RDH12: variants seen among roughly 807,000 people sequenced by gnomAD.
RDH12 encodes all-trans and 9-cis retinol dehydrogenase.
Under a neutral mutation model 34.0 loss-of-function variants are expected in RDH12, and 21 were observed. The observed-to-expected ratio is 0.62, with a 90% CI of 0.44 to 0.89. The LOEUF (loss-of-function observed/expected upper bound fraction) is 0.89, where lower values mean the gene tolerates loss of function less well. RDH12 is among the 40% of genes least tolerant of loss of function. RDH12 has a pLI of 0.00. For missense variants in RDH12, 394 were observed against 398.6 expected (o/e 0.99, Z 0.10); for synonymous variants, 198 against 169.9 (o/e 1.17, Z -1.29).
intron 2 of RDH12, among the ~76,000 whole-genome samples, chr14:67,722,203 C>G (rs755378489): frequency 6.6e-6 from 1 of 152,128 alleles, no homozygotes; most frequent in Non-Finnish European, 1.5e-5. Context: ...TTTTAATCCA[C>G]TCATATTTTA....
In RDH12 at chr14:67,727,167, G is replaced by T. The variant is rs768529116; in HGVS notation, c.635G>T (p.Arg212Leu). The change falls in exon 7 of 9, where the codon CGT becomes CTT. Residue 212 changes from arginine (R) to leucine (L), a missense_variant. Transcript: ENST00000551171. The part of the protein sequence containing the change: ...HSKLANVLFT[R>L]ELAKRLQGTG... ...AAGCTGGCCAATGTGCTTTTTACTC[G>T]TGAGCTGGCCAAGAGGCTCCAAGGT... 1.2e-6 allele frequency: 2 copies of T among 1,613,514 alleles called. No individual in the cohort carries two copies. Among genetic ancestry groups the T allele is most frequent in the Non-Finnish European group, 1.7e-6 (2 of 1,179,842 alleles).
In RDH12 at chr14:67,727,110, G is replaced by T; in HGVS notation, c.578G>T (p.Arg193Leu). The stretch of plus-strand genomic sequence containing the variant: ...TTCCACGACCTCCAGAGCGAGAAGC[G>T]CTACAGCAGGGGTTTTGCCTATTGC... ...IPFHDLQSEK[R>L]YSRGFAYCHS... Residue 193 changes from arginine to leucine, a missense_variant, in exon 7 of 9, where the codon CGC (arginine) becomes CTC (leucine). Coordinates refer to ENST00000551171, the MANE Select transcript of RDH12 (RefSeq NM_152443.3). 2.5e-6 allele frequency: 4 copies of T among 1,614,182 alleles called. No homozygotes were observed. The highest frequency in any genetic ancestry group is 3.4e-6 in the Non-Finnish European group (4 of 1,180,034).
chr14:67,707,452 GGA>G (rs1405855921), intron 1 of RDH12, among the ~76,000 whole-genome samples: 5 of 151,936 alleles, frequency 3.3e-5, no homozygotes, highest in Admixed American at 1.3e-4. Flanking sequence ...TTTTTGAGAT[GGA>G]GTCTCACTCT....
intron 5 of RDH12, 103 bp downstream of exon 5, chr14:67,725,357 C>A: frequency 2.5e-6 from 3 of 1,210,220 alleles, no homozygotes; most frequent in South Asian, 1.3e-5. Context: ...ATCATCCACC[C>A]CACTAGACAG....
At chr14:67,719,983 G>C (rs1484199482) in intron 1 of RDH12, among the ~76,000 whole-genome samples, 1 of 152,204 alleles carries the variant, frequency 6.6e-6, no homozygotes, top group African/African-American at 2.4e-5. Flanking sequence ...ATGAGTGCAT[G>C]CACAGCTTTA....
intron 1 of RDH12, among the ~76,000 whole-genome samples, chr14:67,709,781 A>C (rs1192377239): frequency 6.6e-6 from 1 of 152,206 alleles, no homozygotes; most frequent in Non-Finnish European, 1.5e-5. Context: ...TTTTAGACCA[A>C]GGCATCAAAG....
At chr14:67,710,968 C>G (rs2038003020) in intron 1 of RDH12, among the ~76,000 whole-genome samples, 1 of 152,118 alleles carries the variant, frequency 6.6e-6, no homozygotes, top group African/African-American at 2.4e-5. Context: ...AAAATTATAA[C>G]TGAGACAGTG....
chr14:67,715,458 T>TA (rs1378011845), intron 1 of RDH12, among the ~76,000 whole-genome samples: 1 of 152,210 alleles, frequency 6.6e-6, no homozygotes, highest in African/African-American at 2.4e-5. Context: ...CCGATTGCTG[T>TA]AAGCCCTTGA....
At chr14:67,719,991 T>G (rs2038105660) in intron 1 of RDH12, among the ~76,000 whole-genome samples, 1 of 152,208 alleles carries the variant, frequency 6.6e-6, no homozygotes, top group Non-Finnish European at 1.5e-5. Context: ...ATGCACAGCT[T>G]TACTAGACAT....
chr14:67,731,727 A>G (rs942329904), intron 8 of RDH12, among the ~76,000 whole-genome samples: 1 of 152,190 alleles, frequency 6.6e-6, no homozygotes, highest in African/African-American at 2.4e-5. Flanking sequence ...GTCTGGAGGG[A>G]TAACCAGCCA....
intron 1 of RDH12, among the ~76,000 whole-genome samples, chr14:67,718,071 A>G (rs891821031): frequency 1.3e-5 from 2 of 152,198 alleles, no homozygotes; most frequent in African/African-American, 4.8e-5. Flanking sequence ...AGTCATTATT[A>G]TTGGTTAAAA....
chr14:67,722,669 C>A lies in RDH12; in HGVS notation c.27C>A (p.Thr9=), dbSNP rs1480470949. The change falls in exon 3 of 9, where the codon ACC becomes ACA. Residue 9 remains threonine (T), a synonymous_variant. Coordinates refer to ENST00000551171, the MANE Select transcript of RDH12 (RefSeq NM_152443.3). ...TGCTGGTCACCTTGGGACTGCTCACCTCCTTCTTCTCGTTCCTGTATATGG... is the reference window on the plus strand; with the variant it reads ...TGCTGGTCACCTTGGGACTGCTCACATCCTTCTTCTCGTTCCTGTATATGG... The part of the protein sequence containing the change: MLVTLGLL[T]SFFSFLYMVA... 17 of 1,613,602 alleles carry A rather than the reference C, an allele frequency of 1.1e-5. No homozygotes were observed. Among genetic ancestry groups the A allele is most frequent in the Admixed American group, 1.7e-5 (1 of 59,996 alleles).
chr14:67,732,536 C>CAAAA (rs11408156), intron 8 of RDH12, among the ~76,000 whole-genome samples: 13,535 of 129,640 alleles, frequency 0.1, 943 homozygotes, highest in South Asian at 0.3. Context: ...CCAAACAAAG[C>CAAAA]AAAAAAAAAA....
intron 8 of RDH12, chr14:67,729,848 G>C: frequency 2.2e-6 from 1 of 460,318 alleles, no homozygotes; most frequent in East Asian, 6.6e-5. Context: ...AGAAATTTTA[G>C]TGCTGAATCT....
intron 1 of RDH12, among the ~76,000 whole-genome samples, chr14:67,708,380 G>T (rs1029072326): frequency 1.3e-5 from 2 of 152,020 alleles, no homozygotes; most frequent in Non-Finnish European, 2.9e-5. Context: ...CTATTCTAAG[G>T]TTACAATCTC....
At chr14:67,727,730 A>AAG (rs1228718258) in intron 7 of RDH12, 1 of 180,712 alleles carries the variant, frequency 5.5e-6, no homozygotes, top group African/African-American at 2.4e-5. Context: ...GATCTGGCAG[A>AAG]AGAGGCCTTT....
intron 1 of RDH12, among the ~76,000 whole-genome samples, chr14:67,708,708 A>G (rs1393661670): frequency 6.6e-6 from 1 of 152,174 alleles, no homozygotes; most frequent in Non-Finnish European, 1.5e-5. Flanking sequence ...ACACCATTTC[A>G]TATTTGACTA....
At chr14:67,722,003 G>A (rs932166490) in intron 2 of RDH12, among the ~76,000 whole-genome samples, 4 of 152,088 alleles carry the variant, frequency 2.6e-5, no homozygotes, top group African/African-American at 7.2e-5. Flanking sequence ...CAAGTCGAAA[G>A]CATACGACTC....
intron 8 of RDH12, 45 bp from the exon 9 acceptor site, chr14:67,733,701 G>A: frequency 7.7e-7 from 1 of 1,294,564 alleles, no homozygotes; most frequent in Non-Finnish European, 1.1e-6. Context: ...TTTCCAGACT[G>A]CTAATTCTCA....
Sources: allele counts gnomAD v4.1 joint callset (sites outside exome capture counted in the v4.1 genomes callset), GRCh38; gene constraint gnomAD v4.1.1; transcripts MANE v1.5; gene names NCBI Gene and HGNC (gene_info 2026-07-23, HGNC 2026-07-21).